SEC24A: variants seen among roughly 807,000 people sequenced by gnomAD.
SEC24A encodes the protein SEC24 homolog A, COPII component.
Under a neutral mutation model 129.4 loss-of-function variants are expected in SEC24A, and 93 were observed. The observed-to-expected ratio is 0.72, with a 90% confidence interval of 0.61 to 0.85. SEC24A has a LOEUF of 0.85. SEC24A is among the 40% of genes least tolerant of loss of function. SEC24A has a pLI of 0.00. For missense variants in SEC24A, 1,264 were observed against 1,307.4 expected, an observed-to-expected ratio of 0.97 and a Z score of 0.51; for synonymous variants, 460 against 467.3, an observed-to-expected ratio of 0.98 and a Z score of 0.20.
chr5:134,700,588 C>G (rs2150102705), intron 15 of SEC24A, among the ~76,000 whole-genome samples: 1 of 151,686 alleles, frequency 6.6e-6, no homozygotes, highest in African/African-American at 2.4e-5. Context: ...GATAAAGATC[C>G]ACTAACCTGT....
intron 15 of SEC24A, among the ~76,000 whole-genome samples, chr5:134,701,875 T>C (rs1352143385): frequency 2.6e-5 from 4 of 152,194 alleles, no homozygotes; most frequent in Non-Finnish European, 5.9e-5. Context: ...TCTCTTTTTA[T>C]TTTATTATGA....
In SEC24A at chr5:134,726,575, C is replaced by G. The variant is rs1482236050; in HGVS notation, c.*1481C>G. ...TACAACTACTGCTTGCCAGCTGGAT[C>G]AAAATAATCATGTTTTATGAAAATA... On this transcript the variant is annotated 3_prime_UTR_variant, in exon 23 of 23. Transcript: ENST00000398844. The G allele has an allele frequency of 6.6e-6, 1 of 152,406 alleles. No homozygotes were observed. The allele number at this position is 152,406 out of a possible 1,614,324, so 9.4% of individuals were successfully genotyped here.
chr5:134,662,962 C>T (rs748753794), intron 2 of SEC24A, among the ~76,000 whole-genome samples: 3 of 151,870 alleles, frequency 2.0e-5, no homozygotes, highest in South Asian at 2.1e-4. Context: ...TGTGCCACTG[C>T]GCTCCGGCCT....
chr5:134,696,482 A>G (rs978762069), intron 13 of SEC24A, among the ~76,000 whole-genome samples: 1 of 152,086 alleles, frequency 6.6e-6, no homozygotes, highest in African/African-American at 2.4e-5. Context: ...AAAAAAACCT[A>G]CAGAAAATTT....
chr5:134,653,675 G>T (rs1411080044), intron 1 of SEC24A, among the ~76,000 whole-genome samples: 3 of 151,906 alleles, frequency 2.0e-5, no homozygotes, highest in African/African-American at 7.3e-5. Flanking sequence ...GACCACCCTC[G>T]GCAACATAGT....
intron 7 of SEC24A, among the ~76,000 whole-genome samples, chr5:134,677,031 CTTTA>C (rs1216753780): frequency 6.6e-6 from 1 of 152,148 alleles, no homozygotes; most frequent in African/African-American, 2.4e-5. Context: ...CATTAAAGTA[CTTTA>C]CCCTAGTCTC....
intron 11 of SEC24A, among the ~76,000 whole-genome samples, chr5:134,689,580 G>A (rs1334163117): frequency 6.6e-6 from 1 of 152,130 alleles, no homozygotes; most frequent in Non-Finnish European, 1.5e-5. Flanking sequence ...GGCCAACATG[G>A]TGAAACCCCG....
chr5:134,678,191 A>G (rs1048843496), intron 7 of SEC24A, among the ~76,000 whole-genome samples: 1 of 152,086 alleles, frequency 6.6e-6, no homozygotes, highest in Non-Finnish European at 1.5e-5. Flanking sequence ...ATACCCAGCT[A>G]AGACTTTAGA....
chr5:134,684,822 A>T (rs1165488636), intron 9 of SEC24A, among the ~76,000 whole-genome samples: 1 of 152,146 alleles, frequency 6.6e-6, no homozygotes, highest in African/African-American at 2.4e-5. Flanking sequence ...AACCAGAAGC[A>T]CTTGTTCTTT....
At chr5:134,704,443 T>A (rs1752093667) in intron 16 of SEC24A, among the ~76,000 whole-genome samples, 1 of 152,166 alleles carries the variant, frequency 6.6e-6, no homozygotes, top group Admixed American at 6.6e-5. Flanking sequence ...TTTAGCATAT[T>A]GTCATTTGAA....
At chr5:134,723,704 CA>C in intron 22 of SEC24A, 34 bp downstream of exon 22, 1 of 1,346,568 alleles carries the variant, frequency 7.4e-7, no homozygotes, top group Non-Finnish European at 1.1e-6. Flanking sequence ...AGTAGTAAAA[CA>C]ATTTGTTTGG....
At chr5:134,722,818 T>C (rs1431722050) in intron 21 of SEC24A, among the ~76,000 whole-genome samples, 1 of 151,984 alleles carries the variant, frequency 6.6e-6, no homozygotes, top group African/African-American at 2.4e-5. Flanking sequence ...TCCTAAATCA[T>C]TATCTGTAGT....
At chr5:134,669,594 G>C (rs530072602) in intron 3 of SEC24A, among the ~76,000 whole-genome samples, 255 of 152,110 alleles carry the variant, frequency 1.7e-3, no homozygotes, top group Middle Eastern at 3.4e-3. Context: ...TCCTGCCTCA[G>C]CCTCCCGAGT....
rs1167268689 is a variant in SEC24A, at chr5:134,654,640, A to AC, written c.97+5467_97+5468insC. Among the ~76,000 whole-genome samples the AC allele has an allele frequency of 3.3e-5, 4 of 120,190 alleles. No homozygotes were observed. The East Asian group carries it at 1.4e-3, about 44-fold the overall frequency. 78.8% of individuals were successfully genotyped at this position (120,190 alleles called of 152,430 possible). On this transcript the variant is annotated intron_variant, in intron 1 of 22. Transcript: ENST00000398844. ...TCATGTATTAACGCTAAAGGCAAATAATGACTCCCACCATTAATTAGTGCC... is the reference window on the plus strand; with the variant it reads ...TCATGTATTAACGCTAAAGGCAAATACATGACTCCCACCATTAATTAGTGCC...
chr5:134,695,488 T>C (rs1308504594), intron 13 of SEC24A, among the ~76,000 whole-genome samples: 1 of 151,304 alleles, frequency 6.6e-6, no homozygotes, highest in Non-Finnish European at 1.5e-5. Context: ...CCCATCTCTA[T>C]TAAAAATACA....
Position 134,718,150 on chromosome 5 carries a change from G to A in SEC24A, c.2947G>A (p.Ala983Thr), listed in dbSNP as rs1431475689. The A allele has an allele frequency of 2.5e-6, 4 of 1,613,826 alleles. No homozygotes were observed. The highest frequency in any genetic ancestry group is 2.7e-5 in the African/African-American group (2 of 74,926). Reference protein sequence around the residue: ...LSVEKLSRDGAFLMDAGSVLM... With the variant: ...LSVEKLSRDGTFLMDAGSVLM... ...AGTGGAGAAGCTGAGCAGAGATGGA[G>A]CTTTCCTCATGGATGCAGGCTCTGT... The change falls in exon 20 of 23, where the codon GCT (alanine) becomes ACT (threonine). Residue 983 changes from alanine (A) to threonine (T), a missense_variant. By Grantham distance (58) the Ala-to-Thr change is moderately conservative (BLOSUM62 0). Transcript: ENST00000398844.
chr5:134,681,442 TTGTGTGTG>T (rs34487329), intron 8 of SEC24A, among the ~76,000 whole-genome samples: 48 of 143,784 alleles, frequency 3.3e-4, no homozygotes, highest in African/African-American at 5.8e-4. Context: ...GTTTTATTGT[TTGTGTGTG>T]TGTGTGTGTG....
At chr5:134,671,101 G>A (rs1053537068) in intron 3 of SEC24A, among the ~76,000 whole-genome samples, 11 of 152,090 alleles carry the variant, frequency 7.2e-5, no homozygotes, top group African/African-American at 2.7e-4. Context: ...CTGGAGTGCA[G>A]TGGCACGATT....
intron 2 of SEC24A, among the ~76,000 whole-genome samples, chr5:134,661,837 T>A (rs976790740): frequency 2.8e-4 from 42 of 149,130 alleles, no homozygotes; most frequent in African/African-American, 1.0e-3. Context: ...TTTTTTTTTT[T>A]TTGAGATGGG....
Sources: allele counts gnomAD v4.1 joint callset (sites outside exome capture counted in the v4.1 genomes callset), GRCh38; gene constraint gnomAD v4.1.1; transcripts MANE v1.5; gene names NCBI Gene and HGNC (gene_info 2026-07-23, HGNC 2026-07-21).